Variants in MTX2 observed in about 807,000 individuals in gnomAD.
MTX2 encodes the protein metaxin-2.
MTX2 carries 35 observed loss-of-function variants against 42.3 expected under a neutral mutation model. The ratio of observed to expected loss-of-function variants is 0.83; its 90% CI spans 0.63 to 1.10. MTX2 has a LOEUF of 1.10. MTX2 is among the 50% of genes least tolerant of loss of function. MTX2 has a pLI of 0.00. For missense variants in MTX2, 307 were observed against 304.1 expected (o/e 1.01, Z -0.07); for synonymous variants, 119 against 100.9 (o/e 1.18, Z -1.08).
At chr2:176,314,376 A>G (rs1444245842) in intron 3 of MTX2, among the ~76,000 whole-genome samples, 1 of 151,736 alleles carries the variant, frequency 6.6e-6, no homozygotes, top group Admixed American at 6.6e-5. Flanking sequence ...GGCAGAGATT[A>G]TGGTGAGTCG....
At chr2:176,317,876 G>A (rs1684484004) in intron 3 of MTX2, among the ~76,000 whole-genome samples, 1 of 152,124 alleles carries the variant, frequency 6.6e-6, no homozygotes, top group South Asian at 2.1e-4. Context: ...TAATGCTTAT[G>A]TAGACTTTCA....
At position 176,316,515 on chromosome 2, in the gene MTX2, C is replaced by T. The variant is rs140405142; in HGVS notation, c.136-6877C>T. Among the ~76,000 whole-genome samples, 1,367 of 152,222 alleles carry T rather than the reference C, an allele frequency of 9.0e-3. 25 individuals are homozygous for T. The highest frequency in any genetic ancestry group is 0.03 in the African/African-American group (1,254 of 41,532). On this transcript the variant is annotated intron_variant, in intron 3 of 9. Transcript: ENST00000249442. The stretch of plus-strand genomic sequence containing the variant: ...CTCCTGGGCTTAGGTGATTCTCCCA[C>T]CTCAGCCTCCCAAGTAGCTGGGACT...
At chr2:176,317,649 T>C (rs1005644190) in intron 3 of MTX2, among the ~76,000 whole-genome samples, 5 of 152,094 alleles carry the variant, frequency 3.3e-5, no homozygotes, top group African/African-American at 1.2e-4. Flanking sequence ...AGATTTTTTT[T>C]CTCCAGAGAG....
intron 9 of MTX2, among the ~76,000 whole-genome samples, chr2:176,335,993 T>G (rs963011216): frequency 6.6e-6 from 1 of 152,052 alleles, no homozygotes; most frequent in Non-Finnish European, 1.5e-5. Flanking sequence ...ATCAATAGGG[T>G]TCAAGGCCAC....
chr2:176,333,724 T>C (rs778889894), intron 9 of MTX2, among the ~76,000 whole-genome samples: 24 of 151,708 alleles, frequency 1.6e-4, no homozygotes, highest in Middle Eastern at 3.2e-3. Context: ...ATATTTTTAC[T>C]TACCTTTTCT....
At chr2:176,327,221 A>G (rs1373557053) in intron 5 of MTX2, among the ~76,000 whole-genome samples, 2 of 151,276 alleles carry the variant, frequency 1.3e-5, no homozygotes, top group Non-Finnish European at 3.0e-5. Flanking sequence ...ATGAAAAACT[A>G]TTAGGTTTTG....
In MTX2 at chr2:176,269,680, T is replaced by G. The variant is rs1387157385; in HGVS notation, c.40+11T>G. 1.3e-6 allele frequency: 2 copies of G among 1,591,404 alleles called. No homozygotes were observed. Among genetic ancestry groups the G allele is most frequent in the Non-Finnish European group, 1.7e-6 (2 of 1,172,164 alleles). ...TCTCCCAGATTGCAGGTAGCGCGGC[T>G]GGCCGCAGACCCAGAAGGTGGCGGC... On this transcript the variant is annotated intron_variant, in intron 1 of 9. Coordinates refer to ENST00000249442, the MANE Select transcript of MTX2 (RefSeq NM_006554.5).
In MTX2 at chr2:176,277,817, G is replaced by A. The variant is rs114195847; in HGVS notation, c.40+8148G>A. ...TTATTAAAAAGTTATTGGACCGACC[G>A]TCACGTTTAAGAGAATTAAAAAAAA... is the stretch of plus-strand genomic sequence containing the variant. On this transcript the variant is annotated intron_variant, in intron 1 of 9. Transcript: ENST00000249442. Among the ~76,000 whole-genome samples, 1,169 of 151,980 alleles carry A rather than the reference G, an allele frequency of 7.7e-3. 16 individuals are homozygous for A. The highest frequency in any genetic ancestry group is 0.026 in the African/African-American group (1,066 of 41,448).
chr2:176,316,623 G>A (rs562222513), intron 3 of MTX2, among the ~76,000 whole-genome samples: 1 of 152,074 alleles, frequency 6.6e-6, no homozygotes, highest in East Asian at 1.9e-4. Context: ...GGCTGGTCTT[G>A]AACTCCTGGG....
intron 1 of MTX2, among the ~76,000 whole-genome samples, chr2:176,295,600 C>T (rs985582070): frequency 6.6e-6 from 1 of 152,140 alleles, no homozygotes; most frequent in Non-Finnish European, 1.5e-5. Flanking sequence ...ATGGCATTAT[C>T]TCTAAATACA....
intron 3 of MTX2, among the ~76,000 whole-genome samples, chr2:176,320,527 CTTCT>C (rs1180302979): frequency 1.3e-5 from 2 of 152,102 alleles, no homozygotes; most frequent in Non-Finnish European, 2.9e-5. Context: ...AAGATTTCTC[CTTCT>C]ATTTCGTAAA....
At chr2:176,276,863 A>G (rs1692959936) in intron 1 of MTX2, among the ~76,000 whole-genome samples, 1 of 152,150 alleles carries the variant, frequency 6.6e-6, no homozygotes, top group African/African-American at 2.4e-5. Flanking sequence ...GTTTCATCAT[A>G]CTATAATTTA....
intron 1 of MTX2, among the ~76,000 whole-genome samples, chr2:176,271,378 A>G (rs1026526273): frequency 2.0e-5 from 3 of 152,234 alleles, no homozygotes; most frequent in African/African-American, 7.2e-5. Context: ...TTCATAATCC[A>G]TAAGAGAAGA....
intron 1 of MTX2, among the ~76,000 whole-genome samples, chr2:176,269,893 C>T (rs1200716614): frequency 2.0e-5 from 3 of 152,104 alleles, no homozygotes; most frequent in Non-Finnish European, 2.9e-5. Context: ...CGTCTCCTTC[C>T]CTTGGGCGGT....
intron 9 of MTX2, among the ~76,000 whole-genome samples, chr2:176,336,434 AT>A (rs1684988531): frequency 6.6e-6 from 1 of 152,214 alleles, no homozygotes; most frequent in Non-Finnish European, 1.5e-5. Context: ...ATTGGGTATC[AT>A]TTTTTTGGTC....
intron 3 of MTX2, among the ~76,000 whole-genome samples, chr2:176,315,975 T>C (rs1478764068): frequency 6.6e-6 from 1 of 152,202 alleles, no homozygotes; most frequent in South Asian, 2.1e-4. Context: ...GCATATTTTC[T>C]GGTTTATTTG....
intron 3 of MTX2, among the ~76,000 whole-genome samples, chr2:176,314,449 A>C (rs1334455572): frequency 6.6e-6 from 1 of 151,626 alleles, no homozygotes; most frequent in Non-Finnish European, 1.5e-5. Context: ...AAAAAAAAAA[A>C]CCCAATATAT....
intron 3 of MTX2, among the ~76,000 whole-genome samples, chr2:176,313,600 G>A (rs187914809): frequency 9.1e-4 from 138 of 151,820 alleles, no homozygotes; most frequent in Admixed American, 1.9e-3. Flanking sequence ...CACCATTTTG[G>A]CCAGCTGGTC....
chr2:176,274,058 T>G (rs1252444442), intron 1 of MTX2, among the ~76,000 whole-genome samples: 1 of 152,166 alleles, frequency 6.6e-6, no homozygotes. Flanking sequence ...CCTTTAAGAC[T>G]CTGGGCACCG....
Sources: allele counts gnomAD v4.1 joint callset (sites outside exome capture counted in the v4.1 genomes callset), GRCh38; gene constraint gnomAD v4.1.1; transcripts MANE v1.5; gene names NCBI Gene and HGNC (gene_info 2026-07-23, HGNC 2026-07-21).